NTMT1: variants seen among roughly 807,000 people sequenced by gnomAD.
NTMT1 encodes the protein N-terminal RCC1 methyltransferase.
A neutral mutation model predicts 17.5 loss-of-function variants in NTMT1; 8 were observed. The observed-to-expected ratio is 0.46, with a 90% CI of 0.27 to 0.82. NTMT1 has a LOEUF of 0.82. NTMT1 is among the 40% of genes least tolerant of loss of function. The pLI is 0.15. For synonymous variants in NTMT1, 128 were observed against 126.8 expected (o/e 1.01, Z -0.06); for missense variants, 221 against 303.5 (o/e 0.73, Z 2.02).
rs767746620 is a variant in NTMT1 at position 129,620,679 on chromosome 9, CG to C, written c.-55+11505del. 3.8e-4 allele frequency: 406 copies of C among 1,075,444 alleles called. No individual in the cohort carries two copies. The highest frequency in any genetic ancestry group is 4.8e-4 in the Non-Finnish European group (402 of 845,550). 66.6% of individuals were successfully genotyped at this position (1,075,444 alleles called of 1,614,324 possible). A position where few individuals can be genotyped will look rare whatever the true frequency, so the allele number is the denominator to read the frequency against. ...CAGCCCCAGGCCATAGTGCCCCGGG[CG>C]GGGCAGCGCGGTGCGGGGTGAACGC... On this transcript the variant is annotated intron_variant, in intron 1 of 3. Transcript: ENST00000372486. This position sits in a 1 kb window ranked among gnomAD's most constrained non-coding sequence, Gnocchi z 5.8.
At chr9:129,635,069 C>A in intron 3 of NTMT1, 139 bp from the exon 4 acceptor site, 2 of 975,840 alleles carry the variant, frequency 2.0e-6, no homozygotes, top group African/African-American at 1.6e-5. Context: ...TCTCTCGGGA[C>A]TGAGAGCCAA....
rs917191966 is a variant in NTMT1 at position 129,614,090 on chromosome 9, G to C, written c.-55+4912G>C. ...CCCTGCTGCCCGGGACACCATGATAGCTCCTTATGGCCAGTGGCTGACACG... is the reference window on the plus strand; with the variant it reads ...CCCTGCTGCCCGGGACACCATGATACCTCCTTATGGCCAGTGGCTGACACG... On this transcript the variant is annotated intron_variant, in intron 1 of 3. Transcript: ENST00000372486. This position sits in a 1 kb window ranked among gnomAD's most constrained non-coding sequence, Gnocchi z 4.4. 6.6e-6 allele frequency among the ~76,000 whole-genome samples: 1 copy of C among 152,342 alleles called. No individual in the cohort carries two copies. Among genetic ancestry groups the C allele is most frequent in the South Asian group, 2.1e-4 (1 of 4,832 alleles).
intron 1 of NTMT1, among the ~76,000 whole-genome samples, chr9:129,632,447 A>G (rs909843574): frequency 2.0e-5 from 3 of 152,246 alleles, no homozygotes; most frequent in African/African-American, 4.8e-5. Flanking sequence ...ACTTGAAGCC[A>G]GGACTTGGGG....
chr9:129,616,412 C>T (rs1327404067), intron 1 of NTMT1, among the ~76,000 whole-genome samples: 3 of 152,104 alleles, frequency 2.0e-5, no homozygotes, highest in Non-Finnish European at 4.4e-5. Context: ...AACGGGGTTT[C>T]ACCTTATTGG....
chr9:129,620,541 C>G lies in NTMT1; in HGVS notation c.-55+11363C>G. 1 of 1,405,974 alleles carries G rather than the reference C, an allele frequency of 7.1e-7. No individual in the cohort carries two copies. Among genetic ancestry groups the G allele is most frequent in the Non-Finnish European group, 9.3e-7 (1 of 1,076,658 alleles). 87.1% of individuals were successfully genotyped at this position (1,405,974 alleles called of 1,614,324 possible). On this transcript the variant is annotated intron_variant, in intron 1 of 3. Coordinates refer to the NTMT1 transcript ENST00000372486. This position sits in a 1 kb window ranked among gnomAD's most constrained non-coding sequence, Gnocchi z 5.8. ...CCAGGGAGCCCCTTGGGCGCCAGGT[C>G]CTGGGCCCCTGGGCGAAGTCGACGC...
rs1447877781 is a variant in NTMT1, at chr9:129,634,399, C to T, written c.415+93C>T. On this transcript the variant is annotated intron_variant, in intron 3 of 3. Transcript: ENST00000372483. The stretch of plus-strand genomic sequence containing the variant: ...TCAGGACCAGGGCTTTGCACTCCTG[C>T]AGCAAGTGGGCCAGTGAGGATTCCC... The T allele has an allele frequency of 3.4e-6, 5 of 1,453,194 alleles. No individual in the cohort carries two copies. In the East Asian group the frequency reaches 6.9e-5, roughly 20 times the overall value. The allele number at this position is 1,453,194 out of a possible 1,614,324, so 90.0% of individuals were successfully genotyped here.
At chr9:129,622,748 C>T (rs1830771124), upstream of NTMT1, among the ~76,000 whole-genome samples, 1 of 152,012 alleles carries the variant, frequency 6.6e-6, no homozygotes, top group East Asian at 1.9e-4. Flanking sequence ...AAAAAGAGGC[C>T]AGGTTCCAGT....
At chr9:129,634,909 C>G (rs959558935) in intron 3 of NTMT1, 5 of 403,840 alleles carry the variant, frequency 1.2e-5, no homozygotes, top group Non-Finnish European at 2.3e-5. Flanking sequence ...CTCCTCCGAT[C>G]CAAGCCTGGC....
rs1282846573 is a variant in NTMT1 at position 129,620,151 on chromosome 9, A to G, written c.-55+10973A>G. On this transcript the variant is annotated intron_variant, in intron 1 of 3. Transcript: ENST00000372486. This position sits in a 1 kb window ranked among gnomAD's most constrained non-coding sequence, Gnocchi z 5.8. ...CTGCTGGGGAGGAGCTCTCCTAGGAAGGCGCCCAAGAAGTCGGGGTCCTCC... is the reference window on the plus strand; with the variant it reads ...CTGCTGGGGAGGAGCTCTCCTAGGAGGGCGCCCAAGAAGTCGGGGTCCTCC... 6.2e-6 allele frequency: 9 copies of G among 1,462,422 alleles called. No individual in the cohort carries two copies. In the Admixed American group the frequency reaches 1.6e-4, roughly 26 times the overall value. The allele number at this position is 1,462,422 out of a possible 1,614,324, so 90.6% of individuals were successfully genotyped here. A position where few individuals can be genotyped will look rare whatever the true frequency, so the allele number is the denominator to read the frequency against.
At position 129,636,011 on chromosome 9, in the gene NTMT1, C is replaced by G. The variant is rs1037620263; in HGVS notation, c.*547C>G. 6.5e-6 allele frequency: 1 copy of G among 152,810 alleles called. No homozygotes were observed. Among genetic ancestry groups the G allele is most frequent in the Admixed American group, 6.5e-5 (1 of 15,316 alleles). The allele number at this position is 152,810 out of a possible 1,614,324, so 9.5% of individuals were successfully genotyped here. ...ACCTGGGGCCCTTAAAGTGTTACAA[C>G]AGCCTGCAGCAAGGGAAGTTCCCCG... On this transcript the variant is annotated 3_prime_UTR_variant, in exon 4 of 4. Transcript: ENST00000372483.
rs570920263 is a variant in NTMT1 at position 129,613,154 on chromosome 9, G to C, written c.-55+3976G>C. ...TCCAAGAAGGCTCGGAGGCTGCTTC[G>C]CGGCCTCTGAGCAGCGGCCTTCTTC... On this transcript the variant is annotated intron_variant, in intron 1 of 3. Transcript: ENST00000372486. This position sits in a 1 kb window ranked among gnomAD's most constrained non-coding sequence, Gnocchi z 6.2. 6.2e-7 allele frequency: 1 copy of C among 1,613,812 alleles called. No homozygotes were observed. Among genetic ancestry groups the C allele is most frequent in the South Asian group, 1.1e-5 (1 of 91,080 alleles).
chr9:129,622,582 CAAAG>C (rs1230416783), upstream of NTMT1, among the ~76,000 whole-genome samples: 1 of 152,060 alleles, frequency 6.6e-6, no homozygotes, highest in African/African-American at 2.4e-5. Flanking sequence ...TCTCAGCTGA[CAAAG>C]AAATGTGTGT....
intron 3 of NTMT1, chr9:129,634,508 G>T (rs1421022132): frequency 2.0e-6 from 1 of 507,878 alleles, no homozygotes; most frequent in Non-Finnish European, 3.2e-6. Flanking sequence ...CTTCCTTCTA[G>T]GTTTTGTTTC....
In NTMT1 at chr9:129,614,337, G is replaced by A. The variant is rs566910650; in HGVS notation, c.-55+5159G>A. On this transcript the variant is annotated intron_variant, in intron 1 of 3. Coordinates refer to the NTMT1 transcript ENST00000372486. The surrounding 1 kb of genome is among the most constrained non-coding windows in gnomAD (Gnocchi z 4.4). ...GCTTCTAACTCCAGCTTCCTGTCAC[G>A]CTAAGGAGGCTGCGTCAGATCCCTC... Among the ~76,000 whole-genome samples, 56 of 152,284 alleles carry A rather than the reference G, an allele frequency of 3.7e-4. No individual in the cohort carries two copies. Among genetic ancestry groups the A allele is most frequent in the African/African-American group, 1.2e-3 (51 of 41,552 alleles).
chr9:129,631,169 C>T (rs1831146617), intron 1 of NTMT1, among the ~76,000 whole-genome samples: 1 of 152,274 alleles, frequency 6.6e-6, no homozygotes, highest in Admixed American at 6.5e-5. Context: ...CTCCAGGCGG[C>T]TGCCCCTATC....
At chr9:129,619,198 G>A (rs1830547472) in intron 1 of NTMT1, among the ~76,000 whole-genome samples, 1 of 152,146 alleles carries the variant, frequency 6.6e-6, no homozygotes, top group South Asian at 2.1e-4. Flanking sequence ...TTCATGAACG[G>A]GTTGTAGAAG....
chr9:129,621,424 A>G (rs867468357), upstream of NTMT1, among the ~76,000 whole-genome samples: 9 of 152,338 alleles, frequency 5.9e-5, no homozygotes, highest in South Asian at 2.1e-4. Context: ...TGGCACCATC[A>G]TAGCTCACTG....
intron 1 of NTMT1, among the ~76,000 whole-genome samples, chr9:129,610,148 C>CTGCGGGATCCCGGGGCCT: frequency 7.0e-6 from 1 of 143,496 alleles, no homozygotes; most frequent in African/African-American, 2.6e-5. Context: ...GACAGGAGCG[C>CTGCGGGATCCCGGGGCCT]TGCGGGATCC....
chr9:129,618,175 C>T (rs576417465), intron 1 of NTMT1, among the ~76,000 whole-genome samples: 238 of 152,306 alleles, frequency 1.6e-3, no homozygotes, highest in Non-Finnish European at 2.3e-3. Flanking sequence ...TGGGCAGTGC[C>T]ATTCACCCTT....
Sources: gnomAD v4.1 joint callset for allele counts (sites outside exome capture counted in the v4.1 genomes callset) on GRCh38, gnomAD v4.1.1 for gene constraint, Gnocchi (gnomAD v3.1) non-coding constraint, MANE v1.5 for transcripts, NCBI Gene and HGNC (gene_info 2026-07-23, HGNC 2026-07-21) for gene names.